Variants in NFILZ observed in about 807,000 individuals in gnomAD.
The protein encoded by NFILZ is NFIL3 like protein.
intron 3 of NFILZ, among the ~76,000 whole-genome samples, chr19:8,640,854 G>A (rs890841714): frequency 3.3e-5 from 5 of 152,180 alleles, no homozygotes; most frequent in Admixed American, 2.0e-4. Flanking sequence ...AGGTCGTGCT[G>A]TATGGGATAA....
At chr19:8,643,505 G>A (rs1481659284) in intron 3 of NFILZ, among the ~76,000 whole-genome samples, 1 of 152,204 alleles carries the variant, frequency 6.6e-6, no homozygotes, top group East Asian at 1.9e-4. Flanking sequence ...TTGCATTGGT[G>A]GACTGAGAAA....
At chr19:8,670,343 C>T (rs1028319180) in intron 3 of NFILZ, among the ~76,000 whole-genome samples, 33 of 152,192 alleles carry the variant, frequency 2.2e-4, no homozygotes, top group African/African-American at 7.5e-4. Context: ...CTCAAGTGAT[C>T]CACCTACCTT....
intron 3 of NFILZ, among the ~76,000 whole-genome samples, chr19:8,657,800 C>A (rs529395147): frequency 1.3e-5 from 2 of 152,286 alleles, no homozygotes; most frequent in East Asian, 1.9e-4. Flanking sequence ...GGAGGCAGGA[C>A]ACCCCTCATT....
intron 3 of NFILZ, among the ~76,000 whole-genome samples, chr19:8,656,598 C>T (rs781946499): frequency 4.0e-5 from 6 of 151,840 alleles, no homozygotes; most frequent in Middle Eastern, 3.4e-3. Context: ...CTTTTTACTT[C>T]TACGGGTGCA....
intron 3 of NFILZ, among the ~76,000 whole-genome samples, chr19:8,655,991 G>A (rs1472707819): frequency 2.0e-5 from 3 of 151,874 alleles, no homozygotes; most frequent in African/African-American, 7.3e-5. Flanking sequence ...CCCCATCCAA[G>A]CCCTGCTCTC....
At chr19:8,650,109 C>T (rs1200644190) in intron 3 of NFILZ, among the ~76,000 whole-genome samples, 5 of 148,424 alleles carry the variant, frequency 3.4e-5, no homozygotes, top group Middle Eastern at 3.2e-3. Flanking sequence ...AGCAAGACTC[C>T]GTCTGAAAAA....
chr19:8,647,943 C>T (rs537712981), intron 3 of NFILZ, among the ~76,000 whole-genome samples: 19 of 151,326 alleles, frequency 1.3e-4, no homozygotes, highest in Non-Finnish European at 2.4e-4. Flanking sequence ...GAGGCCGAGG[C>T]GGGTGGATCA....
chr19:8,673,698 T>C (rs1555750488), intron 3 of NFILZ, among the ~76,000 whole-genome samples: 2 of 152,100 alleles, frequency 1.3e-5, no homozygotes, highest in Non-Finnish European at 2.9e-5. Flanking sequence ...CTCCCATGAA[T>C]AGAAATTCTC....
Position 8,639,139 on chromosome 19 carries a change from C to T in NFILZ, c.-164+3393C>T, listed in dbSNP as rs113168284. On this transcript the variant is annotated intron_variant, in intron 3 of 5. Coordinates refer to ENST00000691075, the MANE Select transcript of NFILZ (RefSeq NM_001378600.1). ...GATTGCAGGTGTCAGCCACTGAGCC[C>T]GGCCTACTTGGCTGTTTAAGGAACA... Among the ~76,000 whole-genome samples, 593 of 152,176 alleles carry T rather than the reference C, an allele frequency of 3.9e-3. 3 individuals are homozygous for T. The highest frequency in any genetic ancestry group is 0.013 in the African/African-American group (546 of 41,516).
At chr19:8,655,695 C>A (rs2042989056) in intron 3 of NFILZ, among the ~76,000 whole-genome samples, 1 of 152,150 alleles carries the variant, frequency 6.6e-6, no homozygotes. Flanking sequence ...CCACACCCAG[C>A]TGCTGCCCCC....
At chr19:8,642,781 T>A (rs1406484035) in intron 3 of NFILZ, among the ~76,000 whole-genome samples, 1 of 152,104 alleles carries the variant, frequency 6.6e-6, no homozygotes, top group Non-Finnish European at 1.5e-5. Context: ...ACAAGCCATA[T>A]GGTCAAACCC....
At chr19:8,639,770 AC>A (rs1319199852) in intron 3 of NFILZ, among the ~76,000 whole-genome samples, 5 of 152,120 alleles carry the variant, frequency 3.3e-5, no homozygotes, top group Non-Finnish European at 7.4e-5. Flanking sequence ...TCTGGCATAT[AC>A]CACACATGGG....
chr19:8,673,901 C>T (rs568371598), intron 3 of NFILZ, among the ~76,000 whole-genome samples: 65 of 152,236 alleles, frequency 4.3e-4, no homozygotes, highest in East Asian at 3.3e-3. Flanking sequence ...AGTGCAGTGG[C>T]GCAATCTTGG....
chr19:8,633,644 C>T (rs532097594), intron 2 of NFILZ, among the ~76,000 whole-genome samples: 10 of 152,240 alleles, frequency 6.6e-5, no homozygotes, highest in Admixed American at 2.0e-4. Flanking sequence ...GCCCTCCAGC[C>T]GCCCTGAGGA....
chr19:8,674,706 A>G (rs2043103259), intron 4 of NFILZ, among the ~76,000 whole-genome samples, 106 bp downstream of exon 4: 1 of 152,108 alleles, frequency 6.6e-6, no homozygotes, highest in African/African-American at 2.4e-5. Flanking sequence ...ACTTAGGATC[A>G]TTGTCAGAGG....
intron 3 of NFILZ, among the ~76,000 whole-genome samples, chr19:8,647,782 C>T (rs1230949329): frequency 6.6e-5 from 4 of 60,798 alleles, no homozygotes; most frequent in Admixed American, 1.7e-4. Context: ...CACACATGCG[C>T]GCGCGCGCGC....
chr19:8,654,525 AG>A (rs1450651071), intron 3 of NFILZ, among the ~76,000 whole-genome samples: 1 of 151,464 alleles, frequency 6.6e-6, no homozygotes. Flanking sequence ...TGAGGTGGGA[AG>A]ATCACTTGAG....
chr19:8,673,677 C>T (rs2043098350), intron 3 of NFILZ, among the ~76,000 whole-genome samples: 1 of 152,188 alleles, frequency 6.6e-6, no homozygotes, highest in South Asian at 2.1e-4. Flanking sequence ...TGGGCATGGG[C>T]ACTGGAGTCC....
intron 4 of NFILZ, among the ~76,000 whole-genome samples, 177 bp from the exon 5 acceptor site, chr19:8,676,182 G>C (rs1555750699): frequency 1.3e-5 from 2 of 152,156 alleles, no homozygotes; most frequent in African/African-American, 4.8e-5. Context: ...TGAGTGATTG[G>C]ATTACCCGAT....
Sources: gnomAD v4.1 joint callset for allele counts (sites outside exome capture counted in the v4.1 genomes callset) on GRCh38, gnomAD v4.1.1 for gene constraint, MANE v1.5 for transcripts, NCBI Gene and HGNC (gene_info 2026-07-23, HGNC 2026-07-21) for gene names.